UTY: variants seen among roughly 807,000 people sequenced by gnomAD.
The protein encoded by UTY is histone demethylase UTY.
UTY carries 12 observed loss-of-function variants against 32.5 expected under a neutral mutation model. The ratio of observed to expected loss-of-function variants is 0.37; its 90% CI spans 0.24 to 0.60. UTY has a LOEUF of 0.60. UTY is among the 20% of genes least tolerant of loss of function. The pLI, the probability that UTY is intolerant of heterozygous loss-of-function variation, is 0.69. For synonymous variants in UTY, 131 were observed against 103.4 expected (o/e 1.27, Z -1.62); for missense variants, 303 against 299.2 (o/e 1.01, Z -0.09).
At chrY:13,301,994 TAAAGACATTCC>T (rs2058395514) in intron 25 of UTY, among the ~76,000 whole-genome samples, 1 of 34,133 alleles carries the variant, frequency 2.9e-5, no homozygotes, top group Non-Finnish European at 7.3e-5. Context: ...AAATAAAATG[TAAAGACATTCC>T]AAAAGGTTAA....
chrY:13,288,239 C>G (rs1603310597), intron 27 of UTY, among the ~76,000 whole-genome samples: 1 of 28,606 alleles, frequency 3.5e-5, no homozygotes, highest in East Asian at 8.9e-4. Context: ...TTCACTCATT[C>G]TGTAAGGTGA....
intron 10 of UTY, among the ~76,000 whole-genome samples, chrY:13,361,994 G>C (rs2063589565): frequency 3.0e-5 from 1 of 33,399 alleles, no homozygotes; most frequent in Non-Finnish European, 7.4e-5. Flanking sequence ...ACACCAGAAA[G>C]AATGTGAATA....
At chrY:13,460,441 C>T (rs2077251786) in intron 3 of UTY, among the ~76,000 whole-genome samples, 1 of 33,722 alleles carries the variant, frequency 3.0e-5, no homozygotes, top group Non-Finnish European at 7.3e-5. Context: ...TTGGCTCACA[C>T]CTGTAATCCC....
At position 13,369,331 on chromosome Y, in the gene UTY, T is replaced by C; in HGVS notation, c.664A>G (p.Lys222Glu). 1 of 351,938 alleles carries C rather than the reference T, an allele frequency of 2.8e-6. No individual in the cohort carries two copies. Among genetic ancestry groups the C allele is most frequent in the Non-Finnish European group, 3.9e-6 (1 of 256,744 alleles). The allele number at this position is 351,938 out of a possible 400,897, so 87.8% of individuals were successfully genotyped here. The change falls in exon 9 of 30, where the codon AAG becomes GAG. Residue 222 changes from lysine to glutamate, a missense_variant. Physicochemically the swap from Lys to Glu is moderately conservative, Grantham distance 56. Transcript: ENST00000545955. ...YETQRKYHSAKEAYEQLLQTE... is the reference protein window; with the variant it reads ...YETQRKYHSAEEAYEQLLQTE... ...TGCAAAAGTTGTTCATATGCCTCCT[T>C]TGCAGAATGATACTTCCTCTAAAGA...
chrY:13,436,967 GACACACAC>G (rs774903488), intron 4 of UTY, among the ~76,000 whole-genome samples: 2 of 24,143 alleles, frequency 8.3e-5, no homozygotes, highest in Admixed American at 3.8e-4. Context: ...AAGCAAAAGA[GACACACAC>G]ACACACACAC....
At chrY:13,417,799 C>A (rs2071895845) in intron 4 of UTY, among the ~76,000 whole-genome samples, 1 of 33,640 alleles carries the variant, frequency 3.0e-5, no homozygotes, top group Non-Finnish European at 7.4e-5. Context: ...TTTAAGTTTT[C>A]AATTTATGGG....
intron 17 of UTY, among the ~76,000 whole-genome samples, chrY:13,353,950 A>C: frequency 2.9e-5 from 1 of 34,408 alleles, no homozygotes; most frequent in African/African-American, 1.1e-4. Flanking sequence ...TGCTGTGAAC[A>C]CTAACTACTG....
At chrY:13,438,657 G>A (rs2074908716) in intron 4 of UTY, among the ~76,000 whole-genome samples, 1 of 34,019 alleles carries the variant, frequency 2.9e-5, no homozygotes. Flanking sequence ...CCATCACATT[G>A]TTGTAAGGAT....
At chrY:13,252,408 T>G (rs2054301214) in intron 28 of UTY, among the ~76,000 whole-genome samples, 1 of 33,227 alleles carries the variant, frequency 3.0e-5, no homozygotes, top group African/African-American at 1.2e-4. Flanking sequence ...TCTCCCTTTT[T>G]TTTACATTCT....
chrY:13,251,002 G>T lies in UTY; in HGVS notation c.4308+15C>A. On this transcript the variant is annotated intron_variant, in intron 29 of 29. Coordinates refer to ENST00000545955, the MANE Select transcript of UTY (RefSeq NM_001258249.2). Reference sequence around the variant, plus strand: ...AACCCACCTAATTAAGTGTACTCACGTGTTAATGACTTACTAGTGTAAATT... The same window carrying T: ...AACCCACCTAATTAAGTGTACTCACTTGTTAATGACTTACTAGTGTAAATT... 1 of 395,789 alleles carries T rather than the reference G, an allele frequency of 2.5e-6. No individual in the cohort carries two copies. Among genetic ancestry groups the T allele is most frequent in the Non-Finnish European group, 3.6e-6 (1 of 281,296 alleles).
In UTY at chrY:13,285,109, C is replaced by G. The variant is rs72609667; in HGVS notation, c.4010+12598G>C. On this transcript the variant is annotated intron_variant, in intron 27 of 29. Coordinates refer to ENST00000545955, the MANE Select transcript of UTY (RefSeq NM_001258249.2). ...CTCTCATGGCAAGGAGGAGACTTAGCATTCCTTGGAGACCTGAAGGGATGC... is the reference window on the plus strand; with the variant it reads ...CTCTCATGGCAAGGAGGAGACTTAGGATTCCTTGGAGACCTGAAGGGATGC... 4.9e-3 allele frequency among the ~76,000 whole-genome samples: 168 copies of G among 34,360 alleles called. No individual in the cohort carries two copies. In the East Asian group the frequency reaches 0.12, roughly 24 times the overall value. The allele number at this position is 34,360 out of a possible 37,273, so 92.2% of individuals were successfully genotyped here.
Position 13,302,994 on chromosome Y carries a change from GA to G in UTY, c.3566-4del. 3.1e-6 allele frequency: 1 copy of G among 321,941 alleles called. No individual in the cohort carries two copies. The highest frequency in any genetic ancestry group is 4.6e-6 in the Non-Finnish European group (1 of 219,194). 80.3% of individuals were successfully genotyped at this position (321,941 alleles called of 400,897 possible). A position where few individuals can be genotyped will look rare whatever the true frequency, so the allele number is the denominator to read the frequency against. ...GAAGTTGTTATTTTCTTGGTGACCTGAAAAGTAAAAGAAAATGTAAGTCACA... is the reference window on the plus strand; with the variant it reads ...GAAGTTGTTATTTTCTTGGTGACCTGAAAGTAAAAGAAAATGTAAGTCACA... On this transcript the variant is annotated splice_polypyrimidine_tract_variant and splice_region_variant and intron_variant, in intron 24 of 29. Transcript: ENST00000545955.
intron 3 of UTY, among the ~76,000 whole-genome samples, chrY:13,457,051 G>T (rs2076849502): frequency 6.0e-5 from 2 of 33,397 alleles, no homozygotes; most frequent in East Asian, 7.6e-4. Flanking sequence ...AACACTAATT[G>T]TAAGAAGTAT....
intron 2 of UTY, among the ~76,000 whole-genome samples, chrY:13,478,849 TA>T (rs2079392747): frequency 1.2e-4 from 4 of 33,693 alleles, no homozygotes; most frequent in Admixed American, 2.7e-4. Flanking sequence ...ACACCAGGGA[TA>T]TTTTTTTTAA....
chrY:13,264,013 G>A (rs1003168113), intron 27 of UTY, among the ~76,000 whole-genome samples: 4 of 34,070 alleles, frequency 1.2e-4, no homozygotes, highest in Non-Finnish European at 2.9e-4. Flanking sequence ...ACTTAGGAGT[G>A]AGAACACGCA....
chrY:13,332,741 G>C, intron 18 of UTY, among the ~76,000 whole-genome samples: 2 of 33,056 alleles, frequency 6.1e-5, no homozygotes, highest in Admixed American at 5.5e-4. Flanking sequence ...GTTGTGGCCA[G>C]GGGAATCAGG....
At chrY:13,380,692 C>G in intron 8 of UTY, among the ~76,000 whole-genome samples, 1 of 31,669 alleles carries the variant, frequency 3.2e-5, no homozygotes, top group Non-Finnish European at 7.7e-5. Context: ...AAGAAAAATA[C>G]TGAAAGAAAC....
At chrY:13,300,429 G>C in intron 25 of UTY, among the ~76,000 whole-genome samples, 1 of 31,170 alleles carries the variant, frequency 3.2e-5, no homozygotes, top group Non-Finnish European at 7.8e-5. Context: ...CGGGGGCTTG[G>C]GGCAGGGGGC....
Position 13,360,470 on chromosome Y carries a change from C to G in UTY, c.925G>C (p.Asp309His). ...DAFISYRQSI[D>H]KSEASADTWC... ...GTATCTGCACTTGCTTCTGATTTATCAATAGATTGCCTGTAAGATATAAAG... is the reference window on the plus strand; with the variant it reads ...GTATCTGCACTTGCTTCTGATTTATGAATAGATTGCCTGTAAGATATAAAG... The change falls in exon 11 of 30, where the codon GAT becomes CAT. Residue 309 changes from aspartate (D) to histidine (H), a missense_variant. Coordinates refer to ENST00000545955, the MANE Select transcript of UTY (RefSeq NM_001258249.2). The G allele has an allele frequency of 5.0e-6, 2 of 397,644 alleles. No homozygotes were observed. The highest frequency in any genetic ancestry group is 9.2e-5 in the East Asian group (1 of 10,851).
Sources: allele counts gnomAD v4.1 joint callset (sites outside exome capture counted in the v4.1 genomes callset), GRCh38; gene constraint gnomAD v4.1.1; transcripts MANE v1.5; gene names NCBI Gene and HGNC (gene_info 2026-07-23, HGNC 2026-07-21).